Variants in HPN observed in about 807,000 individuals in gnomAD.
The protein encoded by HPN is serine protease hepsin.
Under a neutral mutation model 55.9 loss-of-function variants are expected in HPN, and 13 were observed. The ratio of observed to expected loss-of-function variants is 0.23; its 90% CI spans 0.15 to 0.37. The LOEUF is 0.37. Among genes scored for constraint, HPN ranks in the 10% least tolerant of loss-of-function variants. The pLI is 1.00. For synonymous variants in HPN, 225 were observed against 240.3 expected (o/e 0.94, Z 0.59); for missense variants, 451 against 575.8 (o/e 0.78, Z 2.22).
At chr19:35,048,540 C>T (rs750020895) in intron 2 of HPN, among the ~76,000 whole-genome samples, 1 of 152,102 alleles carries the variant, frequency 6.6e-6, no homozygotes, top group Non-Finnish European at 1.5e-5. Context: ...AAAGTTGAGG[C>T]TCAAAGATAT....
chr19:35,058,439 A>G (rs1364967460), intron 4 of HPN, among the ~76,000 whole-genome samples: 1 of 148,970 alleles, frequency 6.7e-6, no homozygotes, highest in Non-Finnish European at 1.5e-5. Flanking sequence ...CGGCCTCCCA[A>G]ATAAATACAT....
In HPN at chr19:35,065,486, A is replaced by AG. The variant is rs895164861; in HGVS notation, c.908-47dup. The AG allele has an allele frequency of 2.7e-4, 425 of 1,592,816 alleles. 3 individuals are homozygous for AG. In the Middle Eastern group the frequency reaches 6.7e-3, roughly 25 times the overall value. ...GGAATGGGGTGGGCACCAGGAGGGAAGGGGGGTGTGTACACCCCCCAGCTC... is the reference window on the plus strand; with the variant it reads ...GGAATGGGGTGGGCACCAGGAGGGAAGGGGGGGTGTGTACACCCCCCAGCTC... On this transcript the variant is annotated intron_variant, in intron 10 of 12. Transcript: ENST00000672452.
chr19:35,058,575 TATA>T lies in HPN; in HGVS notation c.161-1091_161-1089del, dbSNP rs918183866. ...TTCTAATAATATATTAATATTATAT[TATA>T]ATAATATATTATTATATTATAACAA... On this transcript the variant is annotated intron_variant, in intron 4 of 12. Transcript: ENST00000672452. 5.4e-5 allele frequency among the ~76,000 whole-genome samples: 8 copies of T among 147,136 alleles called. No homozygotes were observed. In the East Asian group the frequency reaches 5.9e-4, roughly 11 times the overall value.
chr19:35,050,980 G>A (rs1191462634), intron 4 of HPN, among the ~76,000 whole-genome samples: 4 of 128,318 alleles, frequency 3.1e-5, no homozygotes, highest in African/African-American at 5.9e-5. Context: ...GCAGTGACAC[G>A]ATCTTAGCTC....
chr19:35,042,307 G>A, intron 1 of HPN, 146 bp from the exon 2 acceptor site: 1 of 1,402,404 alleles, frequency 7.1e-7, no homozygotes, highest in Non-Finnish European at 9.2e-7. Context: ...CTTGAACCCA[G>A]CCCAATCTGC....
chr19:35,065,143 G>A, intron 9 of HPN, 107 bp from the exon 10 acceptor site: 1 of 668,040 alleles, frequency 1.5e-6, no homozygotes, highest in Admixed American at 3.0e-5. Flanking sequence ...TTTTTTTAAA[G>A]AACAGAGAGG....
At chr19:35,042,985 T>C (rs919788351) in intron 2 of HPN, among the ~76,000 whole-genome samples, 7 of 152,118 alleles carry the variant, frequency 4.6e-5, no homozygotes, top group African/African-American at 1.7e-4. Flanking sequence ...ATACCAGTCC[T>C]CCCTCTGTGA....
At chr19:35,042,784 C>T (rs927617517) in intron 2 of HPN, among the ~76,000 whole-genome samples, 2 of 152,236 alleles carry the variant, frequency 1.3e-5, no homozygotes, top group Non-Finnish European at 2.9e-5. Context: ...AGTGATTTCT[C>T]AGCTAACTCT....
chr19:35,065,765 TC>T, intron 11 of HPN, 84 bp downstream of exon 11: 1 of 1,597,912 alleles, frequency 6.3e-7, no homozygotes, highest in Non-Finnish European at 8.5e-7. Context: ...AGGCTCCCCA[TC>T]TAAAAGCCTG....
intron 9 of HPN, among the ~76,000 whole-genome samples, chr19:35,061,772 T>C (rs1313478770): frequency 3.3e-5 from 5 of 151,614 alleles, no homozygotes; most frequent in Admixed American, 6.6e-5. Flanking sequence ...GCCACTTGTA[T>C]GAAATGTACA....
intron 9 of HPN, among the ~76,000 whole-genome samples, chr19:35,061,776 A>G (rs1600395525): frequency 6.6e-6 from 1 of 151,592 alleles, no homozygotes; most frequent in African/African-American, 2.4e-5. Context: ...CTTGTATGAA[A>G]TGTACAAGGC....
Position 35,060,142 on chromosome 19 carries a change from G to A in HPN, c.427G>A (p.Gly143Ser). The A allele has an allele frequency of 6.2e-7, 1 of 1,614,200 alleles. No individual in the cohort carries two copies. The highest frequency in any genetic ancestry group is 8.5e-7 in the Non-Finnish European group (1 of 1,180,042). Residue 143 changes from glycine to serine, a missense_variant, in exon 7 of 13, where the codon GGC becomes AGC. Physicochemically the swap from Gly to Ser is moderately conservative, Grantham distance 56. Around this residue, in one of 2 missense-constraint regions of HPN, gnomAD observed 378 missense variants for 445.5 expected, o/e 0.85. Coordinates refer to ENST00000672452, the MANE Select transcript of HPN (RefSeq NM_001384133.1). ...CATCTCTCCCAGTGATTGCCCCAGAGGCCGTTTCTTGGCCGCCATCTGCCA... is the reference window on the plus strand; with the variant it reads ...CATCTCTCCCAGTGATTGCCCCAGAAGCCGTTTCTTGGCCGCCATCTGCCA... ...EVISVCDCPR[G>S]RFLAAICQDC...
chr19:35,046,930 GCCATTCTCCTGCCTCAGCCT>G (rs2064347799), intron 2 of HPN, among the ~76,000 whole-genome samples: 1 of 152,110 alleles, frequency 6.6e-6, no homozygotes, highest in Non-Finnish European at 1.5e-5. Context: ...CCGGGTTCAA[GCCATTCTCCTGCCTCAGCCT>G]CCCGAGTAGC....
intron 9 of HPN, among the ~76,000 whole-genome samples, chr19:35,063,863 C>T (rs1615767): frequency 0.85 from 129,323 of 151,996 alleles, 56,123 homozygotes; most frequent in Non-Finnish European, 0.93. Flanking sequence ...CCTCACCGTG[C>T]CTCAGTTTCC....
intron 12 of HPN, 35 bp downstream of exon 12, chr19:35,066,067 G>C: frequency 6.2e-7 from 1 of 1,609,782 alleles, no homozygotes; most frequent in Non-Finnish European, 8.5e-7. Flanking sequence ...CCAGGGTGGG[G>C]ACGTTTGGGT....
intron 2 of HPN, among the ~76,000 whole-genome samples, chr19:35,048,892 C>T (rs1196630453): frequency 3.9e-5 from 6 of 152,206 alleles, no homozygotes; most frequent in Non-Finnish European, 7.3e-5. Context: ...GAAATGCCAG[C>T]GGCAGGGAAG....
chr19:35,058,320 C>T (rs1333766189), intron 4 of HPN, among the ~76,000 whole-genome samples: 1 of 149,244 alleles, frequency 6.7e-6, no homozygotes, highest in South Asian at 2.1e-4. Context: ...GCTGGGATTA[C>T]AGGCACCTGC....
At position 35,060,523 on chromosome 19, in the gene HPN, C is replaced by T. The variant is rs117350483; in HGVS notation, c.620+11C>T. On this transcript the variant is annotated intron_variant, in intron 8 of 12. Transcript: ENST00000672452. ...CCACTGCTTCCCGGAGTGAGTGCCC[C>T]CCAATGGCGCTGATGATGGGGAGGC... 6.1e-3 allele frequency: 9,807 copies of T among 1,612,234 alleles called. 481 individuals are homozygous for T. The South Asian group carries it at 0.092, about 15-fold the overall frequency.
At chr19:35,060,287 G>T in intron 7 of HPN, 60 bp from the exon 8 acceptor site, 1 of 1,607,410 alleles carries the variant, frequency 6.2e-7, no homozygotes. Flanking sequence ...CCAAGCCTGG[G>T]CTCTGGGGAC....
Sources: gnomAD v4.1 joint callset for allele counts (sites outside exome capture counted in the v4.1 genomes callset) on GRCh38, gnomAD v4.1.1 for gene constraint, gnomAD v4.1.1 regional missense constraint, MANE v1.5 for transcripts, NCBI Gene and HGNC (gene_info 2026-07-23, HGNC 2026-07-21) for gene names.